The following EFNA5 variants were observed in gnomAD, a reference collection of about 807,000 sequenced individuals.
The protein encoded by EFNA5 is ephrin A5.
Under a neutral mutation model 22.9 loss-of-function variants are expected in EFNA5, and 5 were observed. The ratio of observed to expected loss-of-function variants is 0.22; its 90% confidence interval spans 0.11 to 0.46. The LOEUF is 0.46. Among genes scored for constraint, EFNA5 ranks in the 20% least tolerant of loss-of-function variants. The pLI, the probability that EFNA5 is intolerant of heterozygous loss-of-function variation, is 0.99. For synonymous variants in EFNA5, 113 were observed against 112.2 expected, an observed-to-expected ratio of 1.01 and a Z score of -0.04; for missense variants, 237 against 293.3, an observed-to-expected ratio of 0.81 and a Z score of 1.40.
intron 1 of EFNA5, among the ~76,000 whole-genome samples, chr5:107,563,285 C>A (rs931616394): frequency 6.6e-6 from 1 of 152,198 alleles, no homozygotes; most frequent in Non-Finnish European, 1.5e-5. Context: ...TTTCCCCAAG[C>A]ACCCCACTTT....
chr5:107,422,265 A>C (rs111528160), intron 2 of EFNA5, among the ~76,000 whole-genome samples: 305 of 152,346 alleles, frequency 2.0e-3, no homozygotes, highest in Non-Finnish European at 3.7e-3. Context: ...AACACAGTAC[A>C]TGCTATATAA....
intron 1 of EFNA5, among the ~76,000 whole-genome samples, chr5:107,463,466 A>G (rs1749888271): frequency 6.6e-6 from 1 of 152,128 alleles, no homozygotes; most frequent in African/African-American, 2.4e-5. Flanking sequence ...ACTACACCTG[A>G]TATTTTCAGG....
Position 107,514,345 on chromosome 5 carries a change from C to G in EFNA5, c.126-86836G>C, listed in dbSNP as rs1001503681. Among the ~76,000 whole-genome samples the G allele has an allele frequency of 3.3e-5, 5 of 152,292 alleles. 1 individual carries two copies. The highest frequency in any genetic ancestry group is 2.1e-4 in the South Asian group (1 of 4,814). On this transcript the variant is annotated intron_variant, in intron 1 of 4. Transcript: ENST00000333274. Reference sequence around the variant, plus strand: ...CATCTTAAGGAACATTCCAAATACACAATCAGAAAGAAAGCATTTGTGTGC... The same window carrying G: ...CATCTTAAGGAACATTCCAAATACAGAATCAGAAAGAAAGCATTTGTGTGC...
intron 1 of EFNA5, among the ~76,000 whole-genome samples, chr5:107,620,626 T>G (rs1430650496): frequency 6.6e-6 from 1 of 152,222 alleles, no homozygotes; most frequent in Non-Finnish European, 1.5e-5. Flanking sequence ...ATTCAATGTA[T>G]TCCAAGAGTT....
At chr5:107,390,107 A>G (rs1288547374) in intron 2 of EFNA5, among the ~76,000 whole-genome samples, 1 of 152,220 alleles carries the variant, frequency 6.6e-6, no homozygotes, top group African/African-American at 2.4e-5. Flanking sequence ...CCAACCTGAG[A>G]AGTGTGCCTT....
At chr5:107,385,683 G>A (rs1222001218) in intron 4 of EFNA5, among the ~76,000 whole-genome samples, 1 of 151,870 alleles carries the variant, frequency 6.6e-6, no homozygotes, top group African/African-American at 2.4e-5. Context: ...AGAGTGTAGA[G>A]TCTGGGGTTG....
chr5:107,493,029 T>G (rs1302193953), intron 1 of EFNA5, among the ~76,000 whole-genome samples: 1 of 151,898 alleles, frequency 6.6e-6, no homozygotes, highest in Non-Finnish European at 1.5e-5. Context: ...GATCTATTCT[T>G]GTAAGATTTT....
At chr5:107,401,827 C>T (rs987864643) in intron 2 of EFNA5, among the ~76,000 whole-genome samples, 9 of 152,134 alleles carry the variant, frequency 5.9e-5, no homozygotes, top group African/African-American at 1.4e-4. Flanking sequence ...CATTACCAGG[C>T]GGCTCCGGGG....
chr5:107,653,361 C>G (rs552103418), intron 1 of EFNA5, among the ~76,000 whole-genome samples: 1 of 152,254 alleles, frequency 6.6e-6, no homozygotes, highest in African/African-American at 2.4e-5. Flanking sequence ...GTCAGCTTCC[C>G]TTTCCTCTAT....
chr5:107,647,206 C>T (rs1004738885), intron 1 of EFNA5, among the ~76,000 whole-genome samples: 1 of 152,000 alleles, frequency 6.6e-6, no homozygotes, highest in Non-Finnish European at 1.5e-5. Context: ...CAACCTATTT[C>T]TATCATATTC....
intron 1 of EFNA5, among the ~76,000 whole-genome samples, chr5:107,575,096 G>T (rs369638205): frequency 6.6e-6 from 1 of 152,066 alleles, no homozygotes; most frequent in Non-Finnish European, 1.5e-5. Context: ...CTCTTCAAAC[G>T]TAACAAAGAA....
At chr5:107,421,062 G>C (rs989644742) in intron 2 of EFNA5, among the ~76,000 whole-genome samples, 18 of 152,120 alleles carry the variant, frequency 1.2e-4, no homozygotes, top group African/African-American at 4.1e-4. Context: ...TAACTGTATT[G>C]TACAATCAAA....
At chr5:107,387,442 G>T in intron 3 of EFNA5, 127 bp from the exon 4 acceptor site, 1 of 643,924 alleles carries the variant, frequency 1.6e-6, no homozygotes, top group Non-Finnish European at 2.6e-6. Context: ...TCAATGGCAT[G>T]TTCCAAATGC....
intron 1 of EFNA5, among the ~76,000 whole-genome samples, chr5:107,657,269 A>G (rs1474055871): frequency 6.6e-6 from 1 of 152,150 alleles, no homozygotes; most frequent in Non-Finnish European, 1.5e-5. Flanking sequence ...CAACAAATCC[A>G]TTCCTATTCC....
intron 1 of EFNA5, among the ~76,000 whole-genome samples, chr5:107,534,605 T>C (rs1747892863): frequency 6.6e-6 from 1 of 152,208 alleles, no homozygotes; most frequent in Admixed American, 6.5e-5. Flanking sequence ...TAGCTGTTTG[T>C]ACACATATTA....
At chr5:107,433,170 C>T (rs1202950472) in intron 1 of EFNA5, among the ~76,000 whole-genome samples, 1 of 152,136 alleles carries the variant, frequency 6.6e-6, no homozygotes, top group Non-Finnish European at 1.5e-5. Context: ...GGGCCAGTGA[C>T]CTTAACCTCC....
At chr5:107,577,185 T>C (rs996612991) in intron 1 of EFNA5, among the ~76,000 whole-genome samples, 5 of 152,144 alleles carry the variant, frequency 3.3e-5, no homozygotes, top group Non-Finnish European at 5.9e-5. Context: ...CCTCAGGCCC[T>C]GAGGGGGTTT....
At chr5:107,575,691 C>G (rs556153003) in intron 1 of EFNA5, among the ~76,000 whole-genome samples, 10 of 152,022 alleles carry the variant, frequency 6.6e-5, no homozygotes, top group Non-Finnish European at 8.8e-5. Flanking sequence ...TAGTCCTTAC[C>G]CTTGAGGAGT....
intron 1 of EFNA5, among the ~76,000 whole-genome samples, chr5:107,480,140 A>G (rs1750419113): frequency 6.6e-6 from 1 of 152,192 alleles, no homozygotes; most frequent in Admixed American, 6.5e-5. Flanking sequence ...CCCCACCAAT[A>G]TGCTTCATAT....
Sources: allele counts gnomAD v4.1 joint callset (sites outside exome capture counted in the v4.1 genomes callset), GRCh38; gene constraint gnomAD v4.1.1; transcripts MANE v1.5; gene names NCBI Gene and HGNC (gene_info 2026-07-23, HGNC 2026-07-21).